Variants in CDH18 observed in about 807,000 individuals in gnomAD.
CDH18 encodes the protein cadherin 18, also known as cadherin-18.
A neutral mutation model predicts 67.9 loss-of-function variants in CDH18; 31 were observed. The observed-to-expected ratio is 0.46, with a 90% CI of 0.34 to 0.62. The LOEUF is 0.62. CDH18 is among the 20% of genes least tolerant of loss of function. The probability of loss-of-function intolerance (pLI) is 0.01; values close to 1 mark genes in which losing one functional copy is unlikely to be tolerated. For missense variants in CDH18, 890 were observed against 975.5 expected, an observed-to-expected ratio of 0.91 and a Z score of 1.17; for synonymous variants, 362 against 347.2, an observed-to-expected ratio of 1.04 and a Z score of -0.48.
intron 1 of CDH18, among the ~76,000 whole-genome samples, chr5:20,329,527 C>G (rs1055496611): frequency 6.6e-6 from 1 of 151,964 alleles, no homozygotes; most frequent in Non-Finnish European, 1.5e-5. Flanking sequence ...TTTTGGGAGG[C>G]CGAGGCAGGC....
chr5:20,221,827 C>T (rs1329664114), intron 2 of CDH18, among the ~76,000 whole-genome samples: 2 of 152,110 alleles, frequency 1.3e-5, no homozygotes, highest in African/African-American at 4.8e-5. Flanking sequence ...TGTGTCACTT[C>T]ATCATAACCT....
chr5:20,000,449 T>A (rs1442133152), intron 2 of CDH18, among the ~76,000 whole-genome samples: 1 of 152,134 alleles, frequency 6.6e-6, no homozygotes, highest in African/African-American at 2.4e-5. Flanking sequence ...TATAGCTTGA[T>A]CCTGGAAGAA....
rs1739289752 is a variant in CDH18, at chr5:20,030,360, G to T, written c.-517-38346C>A. Among the ~76,000 whole-genome samples, 3 of 152,166 alleles carry T rather than the reference G, an allele frequency of 2.0e-5. No homozygotes were observed. The South Asian group carries it at 6.2e-4, about 31-fold the overall frequency. ...TTCATAGAAACACATGGACAAGAAT[G>T]TTATGAGGTATCTGTCCAGACAGTG... On this transcript the variant is annotated intron_variant, in intron 2 of 14. Coordinates refer to the CDH18 transcript ENST00000507958.
chr5:20,389,300 T>C (rs1048656034), intron 1 of CDH18, among the ~76,000 whole-genome samples: 1 of 152,176 alleles, frequency 6.6e-6, no homozygotes, highest in Non-Finnish European at 1.5e-5. Flanking sequence ...CCTTTACCAT[T>C]ATGTAATGGC....
At chr5:19,842,962 G>C (rs922070279) in intron 2 of CDH18, among the ~76,000 whole-genome samples, 3 of 152,180 alleles carry the variant, frequency 2.0e-5, no homozygotes, top group Admixed American at 6.5e-5. Flanking sequence ...CTTTGAACTT[G>C]AGAGAGAAGG....
At chr5:20,157,129 G>T (rs79261279) in intron 2 of CDH18, among the ~76,000 whole-genome samples, 2,034 of 152,210 alleles carry the variant, frequency 0.013, 49 homozygotes, top group African/African-American at 0.046. Flanking sequence ...GATGGTATGA[G>T]ATTTTATTGT....
At chr5:19,661,985 C>T (rs1757244424) in intron 5 of CDH18, among the ~76,000 whole-genome samples, 2 of 151,956 alleles carry the variant, frequency 1.3e-5, no homozygotes, top group African/African-American at 4.8e-5. Context: ...CAAAATAATT[C>T]ATAACGAGCA....
chr5:20,325,239 C>G lies in CDH18; in HGVS notation c.-579-69734G>C, dbSNP rs544727315. On this transcript the variant is annotated intron_variant, in intron 1 of 14. Coordinates refer to the CDH18 transcript ENST00000507958. ...AATAAGTTTCCTTTGTATGGCCATC[C>G]TCCATGAACTGAATCCCCCCAGAAC... 3.6e-4 allele frequency among the ~76,000 whole-genome samples: 55 copies of G among 152,260 alleles called. 1 individual carries two copies. In the South Asian group the frequency reaches 0.011, roughly 32 times the overall value.
In CDH18 at chr5:20,205,596, A is replaced by C. The variant is rs139254646; in HGVS notation, c.-518+49848T>G. Among the ~76,000 whole-genome samples, 562 of 152,042 alleles carry C rather than the reference A, an allele frequency of 3.7e-3. 2 individuals carry two copies. Among genetic ancestry groups the C allele is most frequent in the African/African-American group, 0.013 (539 of 41,534 alleles). Reference sequence around the variant, plus strand: ...CATCAGCACTTGGAACAATCTTCAGAATATAGACTGTATCTTAGGTGACAA... The same window carrying C: ...CATCAGCACTTGGAACAATCTTCAGCATATAGACTGTATCTTAGGTGACAA... On this transcript the variant is annotated intron_variant, in intron 2 of 14. Transcript: ENST00000507958.
intron 2 of CDH18, among the ~76,000 whole-genome samples, chr5:19,993,646 A>G (rs1037343038): frequency 2.6e-5 from 4 of 151,998 alleles, no homozygotes; most frequent in Non-Finnish European, 4.4e-5. Flanking sequence ...ATATATAGAG[A>G]TAAATAGATA....
Position 20,056,478 on chromosome 5 carries a change from G to GTTTTT in CDH18, c.-517-64469_-517-64465dup, listed in dbSNP as rs58415003. Among the ~76,000 whole-genome samples the GTTTTT allele has an allele frequency of 3.7e-4, 6 of 16,286 alleles. 3 individuals are homozygous for GTTTTT. Among genetic ancestry groups the GTTTTT allele is most frequent in the Non-Finnish European group, 5.1e-4 (4 of 7,900 alleles). The allele number at this position is 16,286 out of a possible 152,430, so 10.7% of individuals were successfully genotyped here. ...TATTTTTCTTTATTTTCTTTCTTTT[G>GTTTTT]TTTTTTTTTTTTTTTTTTTTTTTTT... On this transcript the variant is annotated intron_variant, in intron 2 of 14. Transcript: ENST00000507958.
intron 5 of CDH18, among the ~76,000 whole-genome samples, chr5:19,651,211 T>C (rs1026727876): frequency 1.3e-5 from 2 of 152,030 alleles, no homozygotes; most frequent in Admixed American, 1.3e-4. Context: ...GTAACCACTG[T>C]TTTACATGAT....
chr5:19,859,834 C>T (rs1339882317), intron 2 of CDH18, among the ~76,000 whole-genome samples: 1 of 152,136 alleles, frequency 6.6e-6, no homozygotes, highest in Non-Finnish European at 1.5e-5. Context: ...TCTCAGGATG[C>T]CCTGAGACTG....
intron 5 of CDH18, among the ~76,000 whole-genome samples, chr5:19,702,452 G>A (rs1174551161): frequency 6.6e-6 from 1 of 151,302 alleles, no homozygotes; most frequent in Non-Finnish European, 1.5e-5. Context: ...CCCTGCTGCA[G>A]CATTCTTTCT....
chr5:20,367,944 T>C (rs1223245339), intron 1 of CDH18, among the ~76,000 whole-genome samples: 2 of 152,200 alleles, frequency 1.3e-5, no homozygotes, highest in East Asian at 3.9e-4. Flanking sequence ...TGCATTGATG[T>C]CTCTGCCTTA....
chr5:20,089,946 AC>A (rs1745279870), intron 2 of CDH18, among the ~76,000 whole-genome samples: 2 of 152,144 alleles, frequency 1.3e-5, no homozygotes, highest in East Asian at 1.9e-4. Context: ...TACAAACTGA[AC>A]CTGATACATC....
At chr5:19,518,967 T>C (rs893665499) in intron 10 of CDH18, among the ~76,000 whole-genome samples, 1 of 152,070 alleles carries the variant, frequency 6.6e-6, no homozygotes, top group African/African-American at 2.4e-5. Context: ...AATAGCTGGG[T>C]TTCAGGCAAT....
intron 1 of CDH18, among the ~76,000 whole-genome samples, chr5:20,324,679 G>T (rs1026800350): frequency 1.3e-5 from 2 of 152,112 alleles, no homozygotes; most frequent in African/African-American, 4.8e-5. Flanking sequence ...TGTTTCTATG[G>T]GTGAGGGGAG....
At chr5:19,872,219 AT>A (rs1786397532) in intron 2 of CDH18, among the ~76,000 whole-genome samples, 1 of 152,178 alleles carries the variant, frequency 6.6e-6, no homozygotes, top group Non-Finnish European at 1.5e-5. Context: ...AGGTATTGAA[AT>A]GTATTCAGGT....
Sources: gnomAD v4.1 joint callset for allele counts (sites outside exome capture counted in the v4.1 genomes callset) on GRCh38, gnomAD v4.1.1 for gene constraint, MANE v1.5 for transcripts, NCBI Gene and HGNC (gene_info 2026-07-23, HGNC 2026-07-21) for gene names.